The following MACROD2 variants were observed in gnomAD, a reference collection of about 807,000 sequenced individuals.
The protein encoded by MACROD2 is mono-ADP ribosylhydrolase 2.
MACROD2 carries 36 observed loss-of-function variants against 70.4 expected under a neutral mutation model. That is an observed-to-expected ratio of 0.51 (90% CI 0.39 to 0.68). The LOEUF is 0.68. Ranked by LOEUF, MACROD2 falls within the 30% of genes least tolerant of loss-of-function variation. The pLI is 0.00. For synonymous variants in MACROD2, 172 were observed against 178.8 expected, an observed-to-expected ratio of 0.96 and a Z score of 0.30; for missense variants, 496 against 538.4, an observed-to-expected ratio of 0.92 and a Z score of 0.78.
intron 2 of MACROD2, among the ~76,000 whole-genome samples, chr20:14,042,168 A>C (rs1001975731): frequency 5.3e-5 from 8 of 152,202 alleles, no homozygotes; most frequent in African/African-American, 1.9e-4. Flanking sequence ...TTGACAATTA[A>C]AAATATGATT....
In MACROD2 at chr20:15,106,170, C is replaced by A. The variant is rs142196454; in HGVS notation, c.419-123770C>A. 3.7e-4 allele frequency among the ~76,000 whole-genome samples: 57 copies of A among 152,252 alleles called. 1 individual carries two copies. The East Asian group carries it at 0.011, about 28-fold the overall frequency. On this transcript the variant is annotated intron_variant, in intron 5 of 17. Coordinates refer to ENST00000684519, the MANE Select transcript of MACROD2 (RefSeq NM_001351661.2). ...CTCAGGTCTTTCTGAGGGTAAAGCC[C>A]ATAATCTCACCTTTATAGCATGCCA...
At chr20:14,348,278 A>AAAAAATAAAT (rs755694830) in intron 3 of MACROD2, among the ~76,000 whole-genome samples, 2 of 143,938 alleles carry the variant, frequency 1.4e-5, no homozygotes. Flanking sequence ...CAAAAAAAAA[A>AAAAAATAAAT]AAATAAATAA....
At chr20:14,952,185 T>C (rs1048243261) in intron 5 of MACROD2, among the ~76,000 whole-genome samples, 5 of 152,168 alleles carry the variant, frequency 3.3e-5, no homozygotes, top group Admixed American at 2.0e-4. Flanking sequence ...TTTTGTAAAA[T>C]ACAGACAAAG....
At chr20:15,403,301 A>G (rs986266247) in intron 6 of MACROD2, among the ~76,000 whole-genome samples, 1 of 151,986 alleles carries the variant, frequency 6.6e-6, no homozygotes, top group African/African-American at 2.4e-5. Context: ...CATAAATTCA[A>G]AAGGAGAAGT....
chr20:15,230,201 A>G (rs2076947864), intron 6 of MACROD2, 140 bp downstream of exon 6: 3 of 691,470 alleles, frequency 4.3e-6, no homozygotes, highest in East Asian at 5.9e-5. Context: ...CGATTTGGTT[A>G]TCATGACTCT....
chr20:14,839,245 G>T (rs2073062305), intron 5 of MACROD2, among the ~76,000 whole-genome samples: 1 of 152,040 alleles, frequency 6.6e-6, no homozygotes, highest in Non-Finnish European at 1.5e-5. Flanking sequence ...TAGCTGATTT[G>T]TTGTAGATTG....
intron 6 of MACROD2, among the ~76,000 whole-genome samples, chr20:15,357,798 CTTTTTTTTT>C (rs200860242): frequency 4.8e-4 from 65 of 135,716 alleles, no homozygotes; most frequent in Non-Finnish European, 3.0e-4. Flanking sequence ...TTCATTCATT[CTTTTTTTTT>C]TTTTTTTTTT....
chr20:14,441,002 C>CAA (rs557184785), intron 3 of MACROD2, among the ~76,000 whole-genome samples: 142 of 152,282 alleles, frequency 9.3e-4, no homozygotes, highest in African/African-American at 3.3e-3. Flanking sequence ...ACAACCTGAG[C>CAA]AACACACTTA....
At chr20:14,754,157 T>C (rs2071910452) in intron 5 of MACROD2, among the ~76,000 whole-genome samples, 2 of 152,126 alleles carry the variant, frequency 1.3e-5, no homozygotes, top group South Asian at 4.1e-4. Flanking sequence ...TGCCAGATGA[T>C]CCAGCATTAA....
chr20:14,080,031 A>C (rs1601196753), intron 2 of MACROD2, among the ~76,000 whole-genome samples: 1 of 152,192 alleles, frequency 6.6e-6, no homozygotes, highest in South Asian at 2.1e-4. Context: ...TGGCAGGTCC[A>C]GGAAGCTTAG....
intron 6 of MACROD2, among the ~76,000 whole-genome samples, chr20:15,282,264 T>A (rs1483532731): frequency 1.3e-5 from 2 of 152,264 alleles, no homozygotes; most frequent in African/African-American, 4.8e-5. Context: ...TGATTAACAT[T>A]TGGCTCCTCG....
chr20:15,393,723 C>A (rs2045823615), intron 6 of MACROD2, among the ~76,000 whole-genome samples: 1 of 152,176 alleles, frequency 6.6e-6, no homozygotes, highest in Admixed American at 6.5e-5. Context: ...GTAAAAATTT[C>A]TTAGCTCAGA....
rs564526238 is a variant in MACROD2, at chr20:14,837,820, C to T, written c.418+152861C>T. On this transcript the variant is annotated intron_variant, in intron 5 of 17. Coordinates refer to ENST00000684519, the MANE Select transcript of MACROD2 (RefSeq NM_001351661.2). ...TAATTTGATTAGTGTTTTGCATATA[C>T]TAAAATATTTCTATCTGGATACATG... 2.6e-5 allele frequency among the ~76,000 whole-genome samples: 4 copies of T among 151,740 alleles called. No homozygotes were observed. In the South Asian group the frequency reaches 8.3e-4, roughly 32 times the overall value.
chr20:15,346,383 A>G (rs1250476766), intron 6 of MACROD2, among the ~76,000 whole-genome samples: 1 of 152,174 alleles, frequency 6.6e-6, no homozygotes, highest in African/African-American at 2.4e-5. Flanking sequence ...CATGCAGGCA[A>G]CTTCCCAGAG....
intron 5 of MACROD2, among the ~76,000 whole-genome samples, chr20:14,997,825 G>A (rs972582907): frequency 1.3e-5 from 2 of 152,174 alleles, no homozygotes; most frequent in Non-Finnish European, 2.9e-5. Context: ...GTCTCACCCA[G>A]CATAGTCCCA....
chr20:14,029,306 C>T (rs1394901174), intron 2 of MACROD2, among the ~76,000 whole-genome samples: 5 of 152,138 alleles, frequency 3.3e-5, no homozygotes, highest in Admixed American at 2.0e-4. Context: ...GGGGAAAAAA[C>T]GCATCATAGA....
intron 4 of MACROD2, among the ~76,000 whole-genome samples, chr20:14,611,395 G>T (rs948922050): frequency 1.3e-5 from 2 of 149,624 alleles, no homozygotes; most frequent in Admixed American, 1.3e-4. Context: ...TTATTAAATT[G>T]CATTGGTTCT....
intron 8 of MACROD2, among the ~76,000 whole-genome samples, chr20:15,555,855 GGAAAAGAAAA>G (rs1418621843): frequency 3.2e-5 from 3 of 92,400 alleles, no homozygotes; most frequent in East Asian, 3.6e-4. Context: ...AAAAAAAAAA[GGAAAAGAAAA>G]GAAAAGGAAA....
intron 8 of MACROD2, among the ~76,000 whole-genome samples, chr20:15,767,842 G>A (rs1420289648): frequency 6.6e-6 from 1 of 151,928 alleles, no homozygotes; most frequent in Admixed American, 6.6e-5. Flanking sequence ...TCCTCTCAGG[G>A]GATCTCTGCT....
Sources: allele counts gnomAD v4.1 joint callset (sites outside exome capture counted in the v4.1 genomes callset), GRCh38; gene constraint gnomAD v4.1.1; transcripts MANE v1.5; gene names NCBI Gene and HGNC (gene_info 2026-07-23, HGNC 2026-07-21).